Variants in UPF2 observed in about 807,000 individuals in gnomAD.
UPF2 encodes UPF2 regulator of nonsense mediated mRNA decay, also known as regulator of nonsense transcripts 2.
A neutral mutation model predicts 141.4 loss-of-function variants in UPF2; 17 were observed. The ratio of observed to expected loss-of-function variants is 0.12; its 90% CI spans 0.08 to 0.18. The LOEUF is 0.18. UPF2 is among the 10% of genes least tolerant of loss of function. The pLI, the probability that UPF2 is intolerant of heterozygous loss-of-function variation, is 1.00. For synonymous variants in UPF2, 540 were observed against 498.0 expected, an observed-to-expected ratio of 1.08 and a Z score of -1.12; for missense variants, 1,152 against 1,515.9, an observed-to-expected ratio of 0.76 and a Z score of 3.99.
chr10:12,017,338 T>C (rs150071371), intron 3 of UPF2, among the ~76,000 whole-genome samples: 54 of 152,314 alleles, frequency 3.5e-4, no homozygotes, highest in East Asian at 2.1e-3. Flanking sequence ...ATCCAGTCCA[T>C]TGAGATACAT....
intron 5 of UPF2, among the ~76,000 whole-genome samples, chr10:12,003,923 CAAAAAAAAAAA>C (rs34191709): frequency 0.015 from 1,222 of 81,558 alleles, 22 homozygotes; most frequent in African/African-American, 0.059. Context: ...AACTCCGCCT[CAAAAAAAAAAA>C]AAAAAAAAAA....
rs540911360 is a variant in UPF2, at chr10:11,924,137, T to C, written c.3810-2830A>G. Reference sequence around the variant, plus strand: ...TACATAATAGTTTTACTTACAGCACTGCTGCCGTTTCAACTCATTGTAAGC... The same window carrying C: ...TACATAATAGTTTTACTTACAGCACCGCTGCCGTTTCAACTCATTGTAAGC... On this transcript the variant is annotated intron_variant, in intron 21 of 21. Transcript: ENST00000357604. 5.3e-5 allele frequency among the ~76,000 whole-genome samples: 8 copies of C among 152,374 alleles called. No homozygotes were observed. In the South Asian group the frequency reaches 6.2e-4, roughly 12 times the overall value.
chr10:12,037,535 A>G (rs1387659404), intron 1 of UPF2, among the ~76,000 whole-genome samples: 2 of 150,370 alleles, frequency 1.3e-5, no homozygotes, highest in Non-Finnish European at 2.9e-5. Flanking sequence ...ACCTGAGATT[A>G]TAAGTGTGTG....
At chr10:12,028,606 G>A (rs1007618838) in intron 3 of UPF2, 139 bp downstream of exon 3, 1 of 837,744 alleles carries the variant, frequency 1.2e-6, no homozygotes, top group Admixed American at 3.2e-5. Flanking sequence ...GTTCTACTTT[G>A]AAATTTTCCT....
At chr10:12,015,394 C>G (rs544521098) in intron 3 of UPF2, among the ~76,000 whole-genome samples, 1 of 152,296 alleles carries the variant, frequency 6.6e-6, no homozygotes, top group African/African-American at 2.4e-5. Flanking sequence ...CTCACATAAG[C>G]TTTTGTTTCA....
intron 7 of UPF2, 23 bp downstream of exon 7, chr10:11,999,883 A>G: frequency 6.3e-7 from 1 of 1,596,574 alleles, no homozygotes; most frequent in Non-Finnish European, 8.6e-7. Flanking sequence ...TGCTTGAATA[A>G]AGTTACACAG....
intron 8 of UPF2, among the ~76,000 whole-genome samples, chr10:11,981,476 TA>T (rs1310035415): frequency 1.3e-5 from 2 of 152,302 alleles, no homozygotes; most frequent in Admixed American, 6.5e-5. Context: ...AATAATTTTT[TA>T]AAATAAACCA....
rs1832784339 is a variant in UPF2, at chr10:11,931,767, C to T, written c.3562G>A (p.Val1188Ile). The T allele has an allele frequency of 3.1e-6, 5 of 1,602,908 alleles. No individual in the cohort carries two copies. The highest frequency in any genetic ancestry group is 2.2e-5 in the East Asian group (1 of 44,746). The change falls in exon 20 of 22, where the codon GTA (valine) becomes ATA (isoleucine). Residue 1188 changes from valine to isoleucine, a missense_variant. By Grantham distance (29) the Val-to-Ile change is conservative. Coordinates refer to ENST00000357604, the MANE Select transcript of UPF2 (RefSeq NM_015542.4). This position sits in a 1 kb window ranked among gnomAD's most constrained non-coding sequence, Gnocchi z 5.9. ...GNKQQFKILN[V>I]PMSSQLAANH... is the part of the protein sequence containing the mutation. ...GCAGCAAGTTGAGAGGACATGGGTA[C>T]ATTAAGGATCTTAAACTGGGAGAAA...
chr10:12,033,050 G>A (rs926556488), intron 2 of UPF2, among the ~76,000 whole-genome samples: 1 of 152,110 alleles, frequency 6.6e-6, no homozygotes, highest in African/African-American at 2.4e-5. Context: ...GAACAACTCT[G>A]AGAAGAAAGG....
rs769343964 is a variant in UPF2 at position 12,014,183 on chromosome 10, G to A, written c.1147C>T (p.Arg383Cys). The A allele has an allele frequency of 2.1e-6, 3 of 1,410,862 alleles. No homozygotes were observed. Among genetic ancestry groups the A allele is most frequent in the Non-Finnish European group, 2.8e-6 (3 of 1,067,686 alleles). 87.4% of individuals were successfully genotyped at this position (1,410,862 alleles called of 1,614,324 possible). A position where few individuals can be genotyped will look rare whatever the true frequency, so the allele number is the denominator to read the frequency against. The part of the protein sequence containing the change: ...ELQNTERQNR[R>C]ILHSKGELSE... The stretch of plus-strand genomic sequence containing the variant: ...AGCTCCCCTTTAGAATGTAGAATGC[G>A]CCTATAAACAAATGAAATCATCTGA... The change falls in exon 4 of 22, where the codon CGC becomes TGC. Residue 383 changes from arginine (R) to cysteine (C), a missense_variant and splice_region_variant. By Grantham distance (180) the Arg-to-Cys change is radical. This residue lies in a region of UPF2 where 739 missense variants were observed against 1,032.2 expected (regional missense o/e 0.72). Coordinates refer to ENST00000357604, the MANE Select transcript of UPF2 (RefSeq NM_015542.4). The surrounding 1 kb of genome is among the most constrained non-coding windows in gnomAD (Gnocchi z 5.0).
chr10:11,934,468 G>A lies in UPF2; in HGVS notation c.3546+2077C>T, dbSNP rs148008594. On this transcript the variant is annotated intron_variant, in intron 19 of 21. Transcript: ENST00000357604. ...TGGCTGGAGCCTGGACTGGAGGCAA[G>A]GCCGGACGATGGCAGTGTCTGAGGA... Among the ~76,000 whole-genome samples, 716 of 152,362 alleles carry A rather than the reference G, an allele frequency of 4.7e-3. 10 individuals carry two copies. Among genetic ancestry groups the A allele is most frequent in the African/African-American group, 0.016 (672 of 41,580 alleles).
At chr10:11,996,512 A>AT (rs1186270123) in intron 8 of UPF2, among the ~76,000 whole-genome samples, 1 of 152,002 alleles carries the variant, frequency 6.6e-6, no homozygotes, top group African/African-American at 2.4e-5. Context: ...CACCCAGCTA[A>AT]TTTTGTATTT....
intron 3 of UPF2, among the ~76,000 whole-genome samples, chr10:12,021,250 C>T (rs968122093): frequency 1.6e-4 from 25 of 152,144 alleles, no homozygotes; most frequent in African/African-American, 4.8e-4. Context: ...ATCATATAGG[C>T]CAGATGTGGT....
chr10:11,999,936 G>C lies in UPF2; in HGVS notation c.1728C>G (p.Pro576=). Residue 576 remains proline (P), a synonymous_variant, in exon 7 of 22, where the codon CCC becomes CCG. Transcript: ENST00000357604. ...CTATCAGATCTCGGTTGACACAGTT[G>C]GGTAACTGCTGTAGGAAAGCATCTA... ...LIVDAFLQQL[P]NCVNRDLIDK... 1 of 1,613,678 alleles carries C rather than the reference G, an allele frequency of 6.2e-7. No homozygotes were observed. The highest frequency in any genetic ancestry group is 1.3e-5 in the African/African-American group (1 of 74,958).
rs915651766 is a variant in UPF2, at chr10:11,956,801, T to C, written c.2371-278A>G. Among the ~76,000 whole-genome samples, 3 of 152,140 alleles carry C rather than the reference T, an allele frequency of 2.0e-5. No individual in the cohort carries two copies. The highest frequency in any genetic ancestry group is 3.4e-3 in the Middle Eastern group (1 of 294). The stretch of plus-strand genomic sequence containing the variant: ...TGTTCTCAGGTCATTAAAATAAATA[T>C]CCAATCAGGAGTTTGGAGTAGGTTT... On this transcript the variant is annotated intron_variant, in intron 12 of 21. Transcript: ENST00000357604. This position sits in a 1 kb window ranked among gnomAD's most constrained non-coding sequence, Gnocchi z 4.2.
chr10:11,948,420 T>C lies in UPF2; in HGVS notation c.3123A>G (p.Glu1041=). 6.2e-7 allele frequency: 1 copy of C among 1,611,992 alleles called. No homozygotes were observed. Among genetic ancestry groups the C allele is most frequent in the Non-Finnish European group, 8.5e-7 (1 of 1,179,106 alleles). Residue 1041 remains glutamate, a synonymous_variant, in exon 16 of 22, where the codon GAA becomes GAG. Coordinates refer to ENST00000357604, the MANE Select transcript of UPF2 (RefSeq NM_015542.4). ...TTTCATTTCCAGATTGTTCTTCTGT[T>C]TCAGCCCCACCTTCTTCTTCTTCTT... The part of the protein sequence containing the change: ...EDEEEEEGGA[E]TEEQSGNESE...
At position 11,942,583 on chromosome 10, in the gene UPF2, G is replaced by A. The variant is rs1044831828; in HGVS notation, c.3378+82C>T. The A allele has an allele frequency of 1.8e-5, 22 of 1,238,078 alleles. No homozygotes were observed. In the African/African-American group the frequency reaches 2.2e-4, roughly 13 times the overall value. 76.7% of individuals were successfully genotyped at this position (1,238,078 alleles called of 1,614,324 possible). On this transcript the variant is annotated intron_variant, in intron 18 of 21. Coordinates refer to ENST00000357604, the MANE Select transcript of UPF2 (RefSeq NM_015542.4). ...CTGCAGAAGAGACACTTAGATAGGA[G>A]AGGCCTTCACATGAACCAGAATGTA...
chr10:12,024,699 A>T (rs948812249), intron 3 of UPF2, among the ~76,000 whole-genome samples: 3 of 152,022 alleles, frequency 2.0e-5, no homozygotes, highest in African/African-American at 4.8e-5. Flanking sequence ...TTGGGAGGCC[A>T]AGGCAGGAGG....
At chr10:11,937,667 G>A (rs1269106108) in intron 18 of UPF2, among the ~76,000 whole-genome samples, 1 of 152,160 alleles carries the variant, frequency 6.6e-6, no homozygotes, top group Non-Finnish European at 1.5e-5. Context: ...AGAGGGACGA[G>A]CTGAATGTTC....
Sources: allele counts gnomAD v4.1 joint callset (sites outside exome capture counted in the v4.1 genomes callset), GRCh38; gene constraint gnomAD v4.1.1; regional missense constraint gnomAD v4.1.1; non-coding constraint Gnocchi (gnomAD v3.1); transcripts MANE v1.5; gene names NCBI Gene and HGNC (gene_info 2026-07-23, HGNC 2026-07-21).